Variants in OTOGL observed in about 807,000 individuals in gnomAD.
OTOGL encodes the protein otogelin-like protein.
In OTOGL, 285 loss-of-function variants were observed where a neutral mutation model predicts 318.5. The observed-to-expected ratio is 0.89, with a 90% CI of 0.81 to 0.99. OTOGL has a LOEUF of 0.99. Among genes scored for constraint, OTOGL ranks in the 50% least tolerant of loss-of-function variants. OTOGL has a pLI of 0.00. For synonymous variants in OTOGL, 987 were observed against 936.5 expected (o/e 1.05, Z -0.99); for missense variants, 2,899 against 2,845.6 (o/e 1.02, Z -0.43).
At chr12:80,243,231 A>G (rs1357235565) in intron 11 of OTOGL, among the ~76,000 whole-genome samples, 1 of 152,100 alleles carries the variant, frequency 6.6e-6, no homozygotes, top group Non-Finnish European at 1.5e-5. Flanking sequence ...GAAAGATAAT[A>G]TCTCATCAGA....
chr12:80,338,664 T>C (rs901321768), intron 42 of OTOGL, among the ~76,000 whole-genome samples: 2 of 152,060 alleles, frequency 1.3e-5, no homozygotes, highest in Non-Finnish European at 2.9e-5. Context: ...GTTATGAACA[T>C]TGCAGTTAAG....
intron 11 of OTOGL, among the ~76,000 whole-genome samples, chr12:80,250,042 C>T (rs1442379704): frequency 6.6e-6 from 1 of 151,972 alleles, no homozygotes; most frequent in Admixed American, 6.5e-5. Flanking sequence ...GTGCGCGCAC[C>T]CACTGACCTG....
chr12:80,229,107 C>G, intron 7 of OTOGL, 150 bp from the exon 8 acceptor site: 2 of 905,130 alleles, frequency 2.2e-6, no homozygotes, highest in South Asian at 2.3e-5. Flanking sequence ...GTAAATATTT[C>G]TTTTCTCTCA....
intron 1 of OTOGL, among the ~76,000 whole-genome samples, chr12:80,129,188 C>T (rs955006027): frequency 5.9e-5 from 9 of 152,156 alleles, no homozygotes; most frequent in Admixed American, 5.9e-4. Flanking sequence ...GCTCCACCCA[C>T]CTGCACTCTG....
rs1891336836 is a variant in OTOGL, at chr12:80,379,185, C to A, written c.*1137C>A. The A allele has an allele frequency of 6.6e-6, 1 of 152,008 alleles. No individual in the cohort carries two copies. Among genetic ancestry groups the A allele is most frequent in the East Asian group, 1.9e-4 (1 of 5,192 alleles). The allele number at this position is 152,008 out of a possible 1,614,324, so 9.4% of individuals were successfully genotyped here. On this transcript the variant is annotated 3_prime_UTR_variant, in exon 59 of 59. Coordinates refer to ENST00000547103, the MANE Select transcript of OTOGL (RefSeq NM_001378609.3). ...TTGGAAATGCCCAAATTCTTTGCCA[C>A]CTATAATTAAAAATTGTCTGAATTT... is the stretch of plus-strand genomic sequence containing the variant.
chr12:80,214,004 A>G (rs920360703), intron 4 of OTOGL, among the ~76,000 whole-genome samples: 5 of 152,160 alleles, frequency 3.3e-5, no homozygotes, highest in African/African-American at 9.7e-5. Flanking sequence ...TAAATAGTGT[A>G]TTTGTGTGCT....
intron 19 of OTOGL, 53 bp downstream of exon 19, chr12:80,262,146 A>G (rs368492830): frequency 4.1e-6 from 6 of 1,472,070 alleles, no homozygotes; most frequent in African/African-American, 2.8e-5. Context: ...GAAAAGTTCT[A>G]TGTATTACTA....
chr12:80,289,446 C>T (rs888527262), intron 26 of OTOGL, among the ~76,000 whole-genome samples: 8 of 152,314 alleles, frequency 5.3e-5, no homozygotes, highest in South Asian at 2.1e-4. Context: ...CCGCTGCTCT[C>T]GTCAGAGCCA....
chr12:80,150,224 C>T (rs1311762105), intron 1 of OTOGL, among the ~76,000 whole-genome samples: 1 of 152,080 alleles, frequency 6.6e-6, no homozygotes, highest in Non-Finnish European at 1.5e-5. Context: ...TTCTCTTTAC[C>T]TCATTGAGCC....
intron 29 of OTOGL, among the ~76,000 whole-genome samples, chr12:80,310,374 A>C (rs1251533928): frequency 6.6e-6 from 1 of 152,254 alleles, no homozygotes; most frequent in Non-Finnish European, 1.5e-5. Flanking sequence ...TTTAAAAATC[A>C]TTCATCACCA....
chr12:80,112,985 A>T (rs1459763197), intron 1 of OTOGL, among the ~76,000 whole-genome samples: 4 of 151,964 alleles, frequency 2.6e-5, no homozygotes, highest in Non-Finnish European at 5.9e-5. Context: ...TAGTCTTGGG[A>T]AGGTGTATGT....
At chr12:80,347,311 C>G (rs116498421) in intron 44 of OTOGL, among the ~76,000 whole-genome samples, 1 of 151,906 alleles carries the variant, frequency 6.6e-6, no homozygotes, top group Non-Finnish European at 1.5e-5. Context: ...CCCCACCCCC[C>G]GACGGGTTGT....
intron 44 of OTOGL, among the ~76,000 whole-genome samples, chr12:80,349,726 G>C (rs1347786619): frequency 1.3e-5 from 2 of 152,180 alleles, no homozygotes; most frequent in Non-Finnish European, 2.9e-5. Context: ...TGGAAACTGG[G>C]AGGATTTCCC....
At chr12:80,351,697 G>A (rs1322451959) in intron 44 of OTOGL, among the ~76,000 whole-genome samples, 1 of 152,150 alleles carries the variant, frequency 6.6e-6, no homozygotes, top group Non-Finnish European at 1.5e-5. Flanking sequence ...TACTTAGTAT[G>A]AGCCTGTTGA....
chr12:80,294,777 G>A (rs1383930919), intron 26 of OTOGL, among the ~76,000 whole-genome samples: 1 of 152,146 alleles, frequency 6.6e-6, no homozygotes, highest in Non-Finnish European at 1.5e-5. Context: ...AACTAAGTGT[G>A]AAGAATTTAC....
intron 1 of OTOGL, among the ~76,000 whole-genome samples, chr12:80,193,346 T>C (rs539637023): frequency 1.7e-3 from 259 of 152,186 alleles, no homozygotes; most frequent in Non-Finnish European, 3.2e-3. Context: ...TGAAACCCCA[T>C]CTGTACTAAA....
intron 1 of OTOGL, among the ~76,000 whole-genome samples, chr12:80,174,761 G>A (rs1276183760): frequency 6.6e-6 from 1 of 152,086 alleles, no homozygotes; most frequent in Non-Finnish European, 1.5e-5. Context: ...GTGAGCAGAA[G>A]AAAAGGCACC....
chr12:80,140,043 C>G (rs185392477), intron 1 of OTOGL, among the ~76,000 whole-genome samples: 25 of 152,280 alleles, frequency 1.6e-4, no homozygotes, highest in African/African-American at 5.8e-4. Flanking sequence ...ATCCCAACTA[C>G]TGTATTCTTC....
At chr12:80,172,898 A>G (rs1441165636) in intron 1 of OTOGL, among the ~76,000 whole-genome samples, 1 of 152,124 alleles carries the variant, frequency 6.6e-6, no homozygotes, top group Non-Finnish European at 1.5e-5. Context: ...AAACACAAGG[A>G]CACATGGTGG....
Sources: allele counts gnomAD v4.1 joint callset (sites outside exome capture counted in the v4.1 genomes callset), GRCh38; gene constraint gnomAD v4.1.1; transcripts MANE v1.5; gene names NCBI Gene and HGNC (gene_info 2026-07-23, HGNC 2026-07-21).